The following MAF variants were observed in gnomAD, a reference collection of about 807,000 sequenced individuals.
MAF encodes the protein MAF bZIP transcription factor, also known as transcription factor Maf.
MAF carries 10 observed loss-of-function variants against 22.0 expected under a neutral mutation model. The ratio of observed to expected loss-of-function variants is 0.45; its 90% confidence interval spans 0.28 to 0.77. The LOEUF is 0.77. Ranked by LOEUF, MAF falls within the 30% of genes least tolerant of loss-of-function variation. MAF has a pLI of 0.12. For synonymous variants in MAF, 337 were observed against 255.8 expected (o/e 1.32, Z -3.03); for missense variants, 544 against 548.4 (o/e 0.99, Z 0.08).
the MAF span, among the ~76,000 whole-genome samples, chr16:79,531,589 A>C: frequency 6.6e-6 from 1 of 152,190 alleles, no homozygotes; most frequent in African/African-American, 2.4e-5. Context: ...ATCATCAGGC[A>C]TTAGATTCTC....
chr16:79,571,530 A>ATTTTTTTTTTTTTTTTTTTTTTTT, the MAF span, among the ~76,000 whole-genome samples: 10 of 103,876 alleles, frequency 9.6e-5, no homozygotes, highest in African/African-American at 3.7e-4. Context: ...TCTCAGCGGA[A>ATTTTTTTTTTTTTTTTTTTTTTTT]TTTTTTTTTT....
the MAF span, among the ~76,000 whole-genome samples, chr16:79,364,646 T>A: frequency 6.6e-6 from 1 of 152,218 alleles, no homozygotes; most frequent in East Asian, 1.9e-4. Flanking sequence ...AACAGTTTCG[T>A]GGTGTCAGTT....
chr16:79,558,416 T>C, the MAF span, among the ~76,000 whole-genome samples: 2 of 152,194 alleles, frequency 1.3e-5, no homozygotes, highest in Non-Finnish European at 2.9e-5. Context: ...TTTGGCTAAT[T>C]ACATTAATCA....
the MAF span, among the ~76,000 whole-genome samples, chr16:79,254,850 A>G: frequency 6.6e-6 from 1 of 152,202 alleles, no homozygotes; most frequent in African/African-American, 2.4e-5. Flanking sequence ...TCAACCATTG[A>G]TCATTTTGCC....
At chr16:79,455,018 C>A in the MAF span, among the ~76,000 whole-genome samples, 3 of 151,952 alleles carry the variant, frequency 2.0e-5, no homozygotes, top group Admixed American at 6.6e-5. Context: ...ATCACTTGGA[C>A]CCGGGAGGTG....
chr16:79,441,034 A>T, the MAF span, among the ~76,000 whole-genome samples: 1 of 152,186 alleles, frequency 6.6e-6, no homozygotes, highest in African/African-American at 2.4e-5. Context: ...GGTTAATTAA[A>T]ATCCGCCTCC....
At chr16:79,560,512 T>C in the MAF span, among the ~76,000 whole-genome samples, 29,648 of 151,788 alleles carry the variant, frequency 0.2, 3,430 homozygotes, top group Non-Finnish European at 0.26. Flanking sequence ...CAGTCCAAAA[T>C]ATGATGCAAT....
At chr16:79,589,526 G>A (rs1254825469), downstream of MAF, among the ~76,000 whole-genome samples, 1 of 152,158 alleles carries the variant, frequency 6.6e-6, no homozygotes, top group African/African-American at 2.4e-5. Flanking sequence ...AAAATGGGCC[G>A]GAAAACTAAT....
At chr16:79,301,057 C>A in the MAF span, among the ~76,000 whole-genome samples, 2 of 152,068 alleles carry the variant, frequency 1.3e-5, no homozygotes, top group African/African-American at 4.8e-5. Flanking sequence ...AAAAAACACA[C>A]ACAAAACCGA....
the MAF span, among the ~76,000 whole-genome samples, chr16:79,535,398 C>T: frequency 1.3e-5 from 2 of 150,716 alleles, no homozygotes; most frequent in Non-Finnish European, 2.9e-5. Flanking sequence ...ATCACACTTG[C>T]CACTTCTGCT....
the MAF span, among the ~76,000 whole-genome samples, chr16:79,453,787 G>A: frequency 6.6e-6 from 1 of 152,194 alleles, no homozygotes; most frequent in Non-Finnish European, 1.5e-5. Context: ...ATTTATTGGA[G>A]ACTGGCTTTG....
At chr16:79,570,580 G>T in the MAF span, among the ~76,000 whole-genome samples, 1 of 152,232 alleles carries the variant, frequency 6.6e-6, no homozygotes, top group South Asian at 2.1e-4. Context: ...TGTTGAAATC[G>T]TTCATCTGGG....
the MAF span, among the ~76,000 whole-genome samples, chr16:79,533,935 A>G: frequency 6.6e-6 from 1 of 152,164 alleles, no homozygotes; most frequent in African/African-American, 2.4e-5. Context: ...CCCAGAGACA[A>G]CAGAGGGCAA....
At chr16:79,383,762 A>G in the MAF span, among the ~76,000 whole-genome samples, 1 of 152,206 alleles carries the variant, frequency 6.6e-6, no homozygotes, top group African/African-American at 2.4e-5. Context: ...AAAGACTTAC[A>G]GATGTGCTCA....
At chr16:79,481,439 G>A in the MAF span, among the ~76,000 whole-genome samples, 1 of 151,798 alleles carries the variant, frequency 6.6e-6, no homozygotes, top group African/African-American at 2.4e-5. Context: ...CAAACCCTAG[G>A]CCACTACTCA....
the MAF span, among the ~76,000 whole-genome samples, chr16:79,360,129 A>C: frequency 9.2e-5 from 14 of 152,134 alleles, no homozygotes; most frequent in Non-Finnish European, 1.9e-4. Context: ...GAGAGCTATC[A>C]TGTCTCATTC....
the MAF span, among the ~76,000 whole-genome samples, chr16:79,533,291 C>G: frequency 6.6e-6 from 1 of 152,170 alleles, no homozygotes. Flanking sequence ...CTTTACATAT[C>G]ACTTTTCCAG....
the MAF span, among the ~76,000 whole-genome samples, chr16:79,305,647 G>T: frequency 6.6e-6 from 1 of 152,200 alleles, no homozygotes; most frequent in Non-Finnish European, 1.5e-5. Flanking sequence ...GATACAATTT[G>T]GGGGTCTGTG....
At chr16:79,524,338 C>T in the MAF span, among the ~76,000 whole-genome samples, 1 of 152,214 alleles carries the variant, frequency 6.6e-6, no homozygotes, top group African/African-American at 2.4e-5. Context: ...AAGGATAACG[C>T]CTTCCTCTGG....
Sources: allele counts gnomAD v4.1 joint callset (sites outside exome capture counted in the v4.1 genomes callset), GRCh38; gene constraint gnomAD v4.1.1; transcripts MANE v1.5; gene names NCBI Gene and HGNC (gene_info 2026-07-23, HGNC 2026-07-21).